Variants in ETFA observed in about 807,000 individuals in gnomAD.
ETFA encodes the protein electron transfer flavoprotein subunit alpha, mitochondrial.
ETFA carries 22 observed loss-of-function variants against 46.2 expected under a neutral mutation model. The ratio of observed to expected loss-of-function variants is 0.48; its 90% CI spans 0.34 to 0.68. ETFA has a LOEUF of 0.68. Among genes scored for constraint, ETFA ranks in the 30% least tolerant of loss-of-function variants. The probability of loss-of-function intolerance (pLI) is 0.01; values close to 1 mark genes in which losing one functional copy is unlikely to be tolerated. For missense variants in ETFA, 345 were observed against 401.1 expected (o/e 0.86, Z 1.19); for synonymous variants, 131 against 139.9 (o/e 0.94, Z 0.45).
chr15:76,305,552 A>C (rs2039931596), intron 1 of ETFA, among the ~76,000 whole-genome samples: 1 of 152,208 alleles, frequency 6.6e-6, no homozygotes. Flanking sequence ...CAAAATATGA[A>C]GTTTTCTTTC....
At chr15:76,238,654 A>C (rs1274673872) in intron 9 of ETFA, among the ~76,000 whole-genome samples, 1 of 152,252 alleles carries the variant, frequency 6.6e-6, no homozygotes, top group East Asian at 1.9e-4. Flanking sequence ...AATTTATCAT[A>C]GCAAATAATG....
chr15:76,245,917 C>T (rs1001073884), intron 9 of ETFA, among the ~76,000 whole-genome samples: 2 of 152,128 alleles, frequency 1.3e-5, no homozygotes, highest in African/African-American at 4.8e-5. Flanking sequence ...CTAGTTGTAG[C>T]GTAAATCTGA....
chr15:76,249,129 AT>A (rs71143303), intron 9 of ETFA, among the ~76,000 whole-genome samples: 61 of 140,656 alleles, frequency 4.3e-4, no homozygotes, highest in Admixed American at 7.1e-4. Context: ...TACCATAGTA[AT>A]TTTTTTTTTT....
At chr15:76,308,190 T>C (rs2039956014) in intron 1 of ETFA, among the ~76,000 whole-genome samples, 2 of 152,204 alleles carry the variant, frequency 1.3e-5, no homozygotes, top group South Asian at 2.1e-4. Flanking sequence ...GAAGGTATCA[T>C]GGAAATAGAA....
chr15:76,288,050 T>C, intron 4 of ETFA, 105 bp from the exon 5 acceptor site: 2 of 772,070 alleles, frequency 2.6e-6, no homozygotes, highest in South Asian at 2.9e-5. Context: ...GAAATTTTAA[T>C]TCAAATATTT....
At chr15:76,292,393 A>G (rs779075333) in intron 4 of ETFA, 38 bp downstream of exon 4, 1 of 1,346,232 alleles carries the variant, frequency 7.4e-7, no homozygotes, top group Non-Finnish European at 1.1e-6. Flanking sequence ...AACCCTTTCA[A>G]GCAGTGATAT....
chr15:76,222,157 AAT>A (rs1340921082), intron 11 of ETFA, among the ~76,000 whole-genome samples: 1 of 150,732 alleles, frequency 6.6e-6, no homozygotes, highest in African/African-American at 2.4e-5. Flanking sequence ...TGTATTTCTT[AAT>A]GTTATATAAA....
At chr15:76,262,380 T>TA (rs1425693002) in intron 9 of ETFA, among the ~76,000 whole-genome samples, 1 of 149,852 alleles carries the variant, frequency 6.7e-6, no homozygotes, top group African/African-American at 2.5e-5. Flanking sequence ...CCAAATGTGG[T>TA]AAAAGGCATA....
At chr15:76,262,005 T>C (rs2039419041) in intron 9 of ETFA, among the ~76,000 whole-genome samples, 2 of 152,160 alleles carry the variant, frequency 1.3e-5, no homozygotes, top group Non-Finnish European at 1.5e-5. Flanking sequence ...GTAGGTACTA[T>C]ACCTATGCGC....
intron 9 of ETFA, among the ~76,000 whole-genome samples, chr15:76,268,393 T>A (rs2039494976): frequency 6.6e-6 from 1 of 152,090 alleles, no homozygotes; most frequent in Non-Finnish European, 1.5e-5. Flanking sequence ...GCCAGGTCAA[T>A]CTGAATACGA....
At chr15:76,249,912 G>T (rs1270045947) in intron 9 of ETFA, among the ~76,000 whole-genome samples, 4 of 152,074 alleles carry the variant, frequency 2.6e-5, no homozygotes, top group Non-Finnish European at 5.9e-5. Flanking sequence ...GTAAATATAA[G>T]CTGGAATAAC....
chr15:76,246,630 G>C (rs2039245596), intron 9 of ETFA, among the ~76,000 whole-genome samples: 2 of 152,092 alleles, frequency 1.3e-5, no homozygotes, highest in African/African-American at 4.8e-5. Flanking sequence ...AGGAGATTGA[G>C]ACCATTCTGG....
chr15:76,277,808 G>A (rs1395984171), intron 8 of ETFA, among the ~76,000 whole-genome samples: 1 of 152,126 alleles, frequency 6.6e-6, no homozygotes, highest in Non-Finnish European at 1.5e-5. Flanking sequence ...CTGCCCACCT[G>A]GAGTTTTTAA....
At chr15:76,250,729 G>T (rs2039290537) in intron 9 of ETFA, among the ~76,000 whole-genome samples, 2 of 151,222 alleles carry the variant, frequency 1.3e-5, no homozygotes, top group South Asian at 2.1e-4. Context: ...TAGAAAGGAG[G>T]TCTCGCTATG....
At chr15:76,254,398 T>G (rs745838419) in intron 9 of ETFA, among the ~76,000 whole-genome samples, 5 of 152,228 alleles carry the variant, frequency 3.3e-5, no homozygotes, top group Admixed American at 1.3e-4. Context: ...GTCTGGAATT[T>G]GAGTTCAGCC....
intron 9 of ETFA, among the ~76,000 whole-genome samples, chr15:76,234,126 A>G (rs1448513260): frequency 6.6e-6 from 1 of 152,160 alleles, no homozygotes; most frequent in Admixed American, 6.5e-5. Flanking sequence ...AATGGTCCAA[A>G]TGGATCCACA....
intron 5 of ETFA, among the ~76,000 whole-genome samples, chr15:76,287,188 G>A (rs1220300319): frequency 6.6e-6 from 1 of 152,196 alleles, no homozygotes; most frequent in Non-Finnish European, 1.5e-5. Context: ...TCTTGAGACA[G>A]GGTCTTGCTC....
chr15:76,241,645 C>CA (rs146105925), intron 9 of ETFA, among the ~76,000 whole-genome samples: 42,371 of 149,488 alleles, frequency 0.28, 6,434 homozygotes, highest in East Asian at 0.56. Flanking sequence ...CTAAAAAATA[C>CA]AAAAATTAGC....
At chr15:76,234,740 G>A (rs112370613) in intron 9 of ETFA, among the ~76,000 whole-genome samples, 9 of 152,340 alleles carry the variant, frequency 5.9e-5, no homozygotes, top group Non-Finnish European at 1.0e-4. Flanking sequence ...AAGAATAGGG[G>A]CTGTGCGGAG....
Sources: allele counts gnomAD v4.1 joint callset (sites outside exome capture counted in the v4.1 genomes callset), GRCh38; gene constraint gnomAD v4.1.1; transcripts MANE v1.5; gene names NCBI Gene and HGNC (gene_info 2026-07-23, HGNC 2026-07-21).